The following ADAMTS3 variants were observed in gnomAD, a reference collection of about 807,000 sequenced individuals.
ADAMTS3 encodes A disintegrin and metalloproteinase with thrombospondin motifs 3.
ADAMTS3 carries 73 observed loss-of-function variants against 129.0 expected under a neutral mutation model. The ratio of observed to expected loss-of-function variants is 0.57; its 90% CI spans 0.47 to 0.69. The LOEUF is 0.69. Among genes scored for constraint, ADAMTS3 ranks in the 30% least tolerant of loss-of-function variants. The pLI is 0.00. For missense variants in ADAMTS3, 1,457 were observed against 1,514.5 expected (o/e 0.96, Z 0.63); for synonymous variants, 477 against 510.8 (o/e 0.93, Z 0.89).
chr4:72,305,147 T>G (rs1461187679), intron 16 of ADAMTS3, among the ~76,000 whole-genome samples: 1 of 152,086 alleles, frequency 6.6e-6, no homozygotes, highest in Non-Finnish European at 1.5e-5. Flanking sequence ...AAGGAATAAG[T>G]AAGTTATGTT....
In ADAMTS3 at chr4:72,288,918, GCACATACA is replaced by G. The variant is rs776772001; in HGVS notation, c.2932-58_2932-51del. ...CAGACATTTATTGCACCAAGACCAT[GCACATACA>G]CACACACACACACACACACACACAC... On this transcript the variant is annotated intron_variant, in intron 20 of 21. Coordinates refer to ENST00000286657, the MANE Select transcript of ADAMTS3 (RefSeq NM_014243.3). 769 of 564,398 alleles carry G rather than the reference GCACATACA, an allele frequency of 1.4e-3. 2 individuals carry two copies. In the African/African-American group the frequency reaches 0.016, roughly 12 times the overall value. The allele number at this position is 564,398 out of a possible 1,614,324, so 35.0% of individuals were successfully genotyped here.
intron 3 of ADAMTS3, among the ~76,000 whole-genome samples, chr4:72,477,117 G>A (rs1171220471): frequency 1.3e-5 from 2 of 151,918 alleles, no homozygotes; most frequent in Non-Finnish European, 2.9e-5. Context: ...CCTGAAATTG[G>A]GAGCAAAGCA....
chr4:72,509,324 C>A (rs1720250017), intron 3 of ADAMTS3, among the ~76,000 whole-genome samples: 1 of 150,316 alleles, frequency 6.7e-6, no homozygotes. Flanking sequence ...TACAAAAGAT[C>A]AACGAAACAA....
At chr4:72,364,915 T>C (rs2109859683) in intron 4 of ADAMTS3, among the ~76,000 whole-genome samples, 1 of 152,298 alleles carries the variant, frequency 6.6e-6, no homozygotes, top group African/African-American at 2.4e-5. Flanking sequence ...TATAGCACTA[T>C]ATAAGTACAT....
chr4:72,519,865 G>C (rs1366903415), intron 3 of ADAMTS3, among the ~76,000 whole-genome samples: 1 of 152,196 alleles, frequency 6.6e-6, no homozygotes, highest in Non-Finnish European at 1.5e-5. Flanking sequence ...ATCCAGCTTT[G>C]TTCCATTGCT....
At chr4:72,543,565 A>G (rs1326221646) in intron 3 of ADAMTS3, among the ~76,000 whole-genome samples, 1 of 152,190 alleles carries the variant, frequency 6.6e-6, no homozygotes, top group Non-Finnish European at 1.5e-5. Context: ...CATATGCTTC[A>G]AAATGGATGA....
At chr4:72,284,979 C>T (rs1718463868) in intron 21 of ADAMTS3, among the ~76,000 whole-genome samples, 1 of 152,178 alleles carries the variant, frequency 6.6e-6, no homozygotes, top group Non-Finnish European at 1.5e-5. Flanking sequence ...AACACTGATC[C>T]ATGCCCAAAG....
chr4:72,290,563 T>A (rs547911390), intron 20 of ADAMTS3, among the ~76,000 whole-genome samples: 8 of 152,282 alleles, frequency 5.3e-5, no homozygotes, highest in Admixed American at 3.3e-4. Context: ...GCATTCAATA[T>A]CAGGGGTTTG....
intron 3 of ADAMTS3, among the ~76,000 whole-genome samples, chr4:72,506,612 A>C (rs1720165881): frequency 6.6e-6 from 1 of 152,220 alleles, no homozygotes; most frequent in South Asian, 2.1e-4. Flanking sequence ...AAATGCTTGC[A>C]GCTCTTTCTG....
At chr4:72,472,538 T>C (rs551608139) in intron 3 of ADAMTS3, among the ~76,000 whole-genome samples, 35 of 152,278 alleles carry the variant, frequency 2.3e-4, no homozygotes, top group Non-Finnish European at 4.7e-4. Flanking sequence ...TACTAGTCCA[T>C]GTTATGAATT....
At chr4:72,498,958 T>A (rs1400812966) in intron 3 of ADAMTS3, among the ~76,000 whole-genome samples, 9 of 152,134 alleles carry the variant, frequency 5.9e-5, no homozygotes, top group Admixed American at 5.9e-4. Context: ...TATAACAGGG[T>A]TGTCAAGATT....
chr4:72,292,457 C>T (rs1008109291), intron 19 of ADAMTS3, among the ~76,000 whole-genome samples: 3 of 152,174 alleles, frequency 2.0e-5, no homozygotes, highest in African/African-American at 7.2e-5. Context: ...GGGTGGTGTG[C>T]ATTGGGGCTG....
chr4:72,518,433 G>A (rs926285544), intron 3 of ADAMTS3, among the ~76,000 whole-genome samples: 14 of 152,108 alleles, frequency 9.2e-5, no homozygotes, highest in Non-Finnish European at 1.8e-4. Flanking sequence ...TGTTGACAGC[G>A]GGGTGTTAAA....
chr4:72,550,984 A>G (rs192428866), intron 2 of ADAMTS3, among the ~76,000 whole-genome samples: 47 of 152,246 alleles, frequency 3.1e-4, no homozygotes, highest in South Asian at 6.2e-4. Flanking sequence ...TTTGATGCTT[A>G]TTAAGTTAGT....
intron 4 of ADAMTS3, among the ~76,000 whole-genome samples, chr4:72,411,304 T>C (rs1325206078): frequency 6.6e-6 from 1 of 152,046 alleles, no homozygotes; most frequent in East Asian, 1.9e-4. Context: ...TGACAGGAAA[T>C]AGAAATAGAT....
intron 2 of ADAMTS3, among the ~76,000 whole-genome samples, chr4:72,566,988 A>G (rs1270350329): frequency 6.6e-6 from 1 of 152,214 alleles, no homozygotes; most frequent in East Asian, 1.9e-4. Flanking sequence ...GTTCTCTTCT[A>G]TGTAGCATTC....
intron 4 of ADAMTS3, among the ~76,000 whole-genome samples, chr4:72,398,540 A>T (rs1721787142): frequency 6.6e-6 from 1 of 152,174 alleles, no homozygotes; most frequent in Non-Finnish European, 1.5e-5. Context: ...GTGCCACTGC[A>T]CTCCAGCCTG....
At chr4:72,357,610 T>C (rs752128309) in intron 4 of ADAMTS3, among the ~76,000 whole-genome samples, 2 of 151,840 alleles carry the variant, frequency 1.3e-5, no homozygotes, top group Admixed American at 6.6e-5. Context: ...AAAATACATA[T>C]ACATTTCATG....
chr4:72,558,648 C>A (rs1721826966), intron 2 of ADAMTS3, among the ~76,000 whole-genome samples: 1 of 151,658 alleles, frequency 6.6e-6, no homozygotes, highest in South Asian at 2.1e-4. Context: ...CAGCCACTAT[C>A]TCCCACCCAA....
Sources: allele counts gnomAD v4.1 joint callset (sites outside exome capture counted in the v4.1 genomes callset), GRCh38; gene constraint gnomAD v4.1.1; transcripts MANE v1.5; gene names NCBI Gene and HGNC (gene_info 2026-07-23, HGNC 2026-07-21).